The following GRIK1 variants were observed in gnomAD, a reference collection of about 807,000 sequenced individuals.
GRIK1 encodes glutamate receptor ionotropic, kainate 1.
A neutral mutation model predicts 105.7 loss-of-function variants in GRIK1; 69 were observed. The ratio of observed to expected loss-of-function variants is 0.65; its 90% CI spans 0.54 to 0.80. The LOEUF (loss-of-function observed/expected upper bound fraction) is 0.80. GRIK1 is among the 30% of genes least tolerant of loss of function. GRIK1 has a pLI of 0.00. For synonymous variants in GRIK1, 438 were observed against 431.3 expected (o/e 1.02, Z -0.19); for missense variants, 1,109 against 1,167.3 (o/e 0.95, Z 0.73).
chr21:29,768,775 A>G (rs1456020217), intron 1 of GRIK1, among the ~76,000 whole-genome samples: 1 of 152,128 alleles, frequency 6.6e-6, no homozygotes, highest in African/African-American at 2.4e-5. Context: ...CGTTCTGTTC[A>G]CCATACACAC....
At chr21:29,564,640 A>G (rs1490849986) in intron 14 of GRIK1, among the ~76,000 whole-genome samples, 3 of 152,080 alleles carry the variant, frequency 2.0e-5, no homozygotes, top group Non-Finnish European at 4.4e-5. Context: ...CTAAACCTAA[A>G]CTATCTGAAG....
At chr21:29,627,780 G>A (rs1279989484) in intron 7 of GRIK1, among the ~76,000 whole-genome samples, 1 of 152,138 alleles carries the variant, frequency 6.6e-6, no homozygotes, top group Non-Finnish European at 1.5e-5. Context: ...ATTAATTAAG[G>A]TAATCATTCA....
At chr21:29,685,519 C>T (rs185390777) in intron 3 of GRIK1, among the ~76,000 whole-genome samples, 2 of 151,996 alleles carry the variant, frequency 1.3e-5, no homozygotes, top group Non-Finnish European at 2.9e-5. Context: ...ATGCTGACTG[C>T]GTAGGTAATC....
At chr21:29,907,828 A>G (rs1489916565) in intron 1 of GRIK1, among the ~76,000 whole-genome samples, 1 of 152,146 alleles carries the variant, frequency 6.6e-6, no homozygotes, top group Non-Finnish European at 1.5e-5. Context: ...GCTAACTTTT[A>G]AATTCTTACT....
chr21:29,838,078 A>G (rs1281063329), intron 1 of GRIK1, among the ~76,000 whole-genome samples: 1 of 152,180 alleles, frequency 6.6e-6, no homozygotes, highest in Non-Finnish European at 1.5e-5. Context: ...AATAAAGGAG[A>G]AAAGAGGAAA....
chr21:29,855,650 G>C (rs191378437), intron 1 of GRIK1, among the ~76,000 whole-genome samples: 1 of 152,204 alleles, frequency 6.6e-6, no homozygotes, highest in Non-Finnish European at 1.5e-5. Flanking sequence ...GTTCTAGTTT[G>C]TGTTCTTAGA....
chr21:29,554,948 C>T (rs1224015764), intron 16 of GRIK1, 104 bp downstream of exon 16: 2 of 968,236 alleles, frequency 2.1e-6, no homozygotes, highest in Admixed American at 5.1e-5. Flanking sequence ...TTCTGGGCAT[C>T]TAATTCAATA....
intron 15 of GRIK1, among the ~76,000 whole-genome samples, chr21:29,557,864 A>T (rs1463290328): frequency 1.3e-5 from 2 of 152,172 alleles, no homozygotes; most frequent in African/African-American, 4.8e-5. Context: ...AGAGTGTAAG[A>T]ATGATTCTTA....
intron 1 of GRIK1, among the ~76,000 whole-genome samples, chr21:29,779,748 A>T (rs968077799): frequency 7.9e-5 from 12 of 152,190 alleles, no homozygotes; most frequent in South Asian, 6.2e-4. Context: ...CAAAAATTCC[A>T]CTAATTTACT....
intron 1 of GRIK1, among the ~76,000 whole-genome samples, chr21:29,901,316 A>G (rs2849984): frequency 0.22 from 33,475 of 151,944 alleles, 4,166 homozygotes; most frequent in African/African-American, 0.34. Context: ...ACTGAAGGAC[A>G]TAGAGACACA....
At chr21:29,822,191 A>T (rs937138814) in intron 1 of GRIK1, among the ~76,000 whole-genome samples, 1 of 152,028 alleles carries the variant, frequency 6.6e-6, no homozygotes, top group Non-Finnish European at 1.5e-5. Flanking sequence ...CACTAATGCA[A>T]CCATTCCACT....
intron 4 of GRIK1, chr21:29,657,936 T>A (rs968792945): frequency 2.6e-5 from 4 of 152,224 alleles, no homozygotes; most frequent in Non-Finnish European, 5.9e-5. Flanking sequence ...AAAAGTGTAA[T>A]CACGATATAG....
At chr21:29,713,449 T>C (rs2064104780) in intron 1 of GRIK1, among the ~76,000 whole-genome samples, 1 of 152,218 alleles carries the variant, frequency 6.6e-6, no homozygotes, top group Admixed American at 6.5e-5. Context: ...AAATATTGCC[T>C]AATATTATTA....
chr21:29,871,148 CT>C (rs1357155234), intron 1 of GRIK1, among the ~76,000 whole-genome samples: 3 of 152,170 alleles, frequency 2.0e-5, no homozygotes, highest in Non-Finnish European at 4.4e-5. Flanking sequence ...GACTTGCATT[CT>C]TTCTCTTCTG....
intron 1 of GRIK1, among the ~76,000 whole-genome samples, chr21:29,894,238 G>A (rs893134267): frequency 6.6e-6 from 1 of 152,154 alleles, no homozygotes; most frequent in African/African-American, 2.4e-5. Context: ...GAGACCATCT[G>A]CAAGTTGAGG....
chr21:29,598,645 G>A, intron 8 of GRIK1, 185 bp downstream of exon 8: 1 of 498,290 alleles, frequency 2.0e-6, no homozygotes, highest in Admixed American at 3.8e-5. Context: ...ACTAAGACAT[G>A]AAATTTAAGA....
intron 14 of GRIK1, among the ~76,000 whole-genome samples, chr21:29,576,503 G>A (rs2090897667): frequency 6.6e-6 from 1 of 151,972 alleles, no homozygotes; most frequent in Admixed American, 6.6e-5. Flanking sequence ...ATATCAACAC[G>A]TTTTCTTGTC....
At chr21:29,879,003 G>T (rs188132976) in intron 1 of GRIK1, among the ~76,000 whole-genome samples, 1 of 152,074 alleles carries the variant, frequency 6.6e-6, no homozygotes, top group East Asian at 1.9e-4. Context: ...ATGGTCCTTT[G>T]TCATAGCAGC....
At chr21:29,751,770 G>A (rs988094445) in intron 1 of GRIK1, among the ~76,000 whole-genome samples, 1 of 152,106 alleles carries the variant, frequency 6.6e-6, no homozygotes, top group African/African-American at 2.4e-5. Context: ...TTTTTACATA[G>A]GTTGCAAGTA....
Sources: allele counts gnomAD v4.1 joint callset (sites outside exome capture counted in the v4.1 genomes callset), GRCh38; gene constraint gnomAD v4.1.1; transcripts MANE v1.5; gene names NCBI Gene and HGNC (gene_info 2026-07-23, HGNC 2026-07-21).